MRPS6: variants seen among roughly 807,000 people sequenced by gnomAD.
MRPS6 encodes the protein small ribosomal subunit protein bS6m.
MRPS6 carries 6 observed loss-of-function variants against 13.1 expected under a neutral mutation model. The observed-to-expected ratio is 0.46, with a 90% CI of 0.25 to 0.91. The LOEUF is 0.91. Ranked by LOEUF, MRPS6 falls within the 40% of genes least tolerant of loss-of-function variation. The pLI is 0.18. For missense variants in MRPS6, 164 were observed against 155.6 expected (o/e 1.05, Z -0.29); for synonymous variants, 61 against 56.5 (o/e 1.08, Z -0.36).
chr21:34,113,404 C>G (rs1979782961), intron 1 of MRPS6, among the ~76,000 whole-genome samples: 1 of 152,150 alleles, frequency 6.6e-6, no homozygotes, highest in Non-Finnish European at 1.5e-5. Flanking sequence ...AAAAGGAAAT[C>G]CTGTGCAACA....
chr21:34,097,433 C>G, intron 1 of MRPS6: 1 of 1,504,392 alleles, frequency 6.6e-7, no homozygotes, highest in African/African-American at 1.4e-5. Flanking sequence ...AACTGTGCAT[C>G]TCTCAGGCAT....
chr21:34,105,905 C>T lies in MRPS6; in HGVS notation c.46-19436C>T, dbSNP rs1165403642. 1.1e-5 allele frequency: 11 copies of T among 983,626 alleles called. No homozygotes were observed. In the Admixed American group the frequency reaches 6.2e-4, roughly 55 times the overall value. 60.9% of individuals were successfully genotyped at this position (983,626 alleles called of 1,614,324 possible). On this transcript the variant is annotated intron_variant, in intron 1 of 2. Coordinates refer to ENST00000399312, the MANE Select transcript of MRPS6 (RefSeq NM_032476.4). ...ATTGTTAAAATCATGACAATTCTAA[C>T]TTGTCTATTCTAACCTATTGTGTAC...
chr21:34,073,724 A>ACG lies in MRPS6; in HGVS notation c.24_25insCG (p.Ile9ArgfsTer3). On this transcript the variant is annotated frameshift_variant, in exon 1 of 3. Coordinates refer to ENST00000399312, the MANE Select transcript of MRPS6 (RefSeq NM_032476.4). LOFTEE classifies it high-confidence loss of function. ...GCATGCCCCGCTACGAGCTGGCTTT[A>ACG]ATCCTGAAAGCCATGCAGCGGGTAA... is the stretch of plus-strand genomic sequence containing the variant. The ACG allele has an allele frequency of 6.5e-7, 1 of 1,529,274 alleles. No homozygotes were observed. Among genetic ancestry groups the ACG allele is most frequent in the Non-Finnish European group, 8.8e-7 (1 of 1,132,572 alleles). 94.7% of individuals were successfully genotyped at this position (1,529,274 alleles called of 1,614,324 possible).
intron 1 of MRPS6, chr21:34,103,392 G>C: frequency 1.0e-6 from 1 of 995,788 alleles, no homozygotes; most frequent in Non-Finnish European, 1.2e-6. Flanking sequence ...AAACCAGGTA[G>C]TTCTGTATTT....
chr21:34,103,364 CTTTA>C (rs1979334904), intron 1 of MRPS6: 1 of 996,808 alleles, frequency 1.0e-6, no homozygotes, highest in East Asian at 1.1e-4. Flanking sequence ...TATGTGCAGC[CTTTA>C]TTTAGGTTCA....
chr21:34,094,656 A>G (rs1978882312), intron 1 of MRPS6, among the ~76,000 whole-genome samples: 1 of 152,250 alleles, frequency 6.6e-6, no homozygotes, highest in Admixed American at 6.5e-5. Flanking sequence ...TCCTCAGCTC[A>G]AAATGATAAT....
chr21:34,107,097 A>G (rs1979512440), intron 1 of MRPS6, among the ~76,000 whole-genome samples: 1 of 152,038 alleles, frequency 6.6e-6, no homozygotes, highest in Non-Finnish European at 1.5e-5. Context: ...ACACCTGGCT[A>G]ATTTTTGTAC....
At chr21:34,097,003 A>G (rs762009129) in intron 1 of MRPS6, 2 of 1,614,116 alleles carry the variant, frequency 1.2e-6, no homozygotes, top group South Asian at 1.1e-5. Context: ...CAGCCTGAAG[A>G]TGTTAATCTG....
chr21:34,138,769 G>A (rs1980796186), intron 2 of MRPS6, among the ~76,000 whole-genome samples: 2 of 152,184 alleles, frequency 1.3e-5, no homozygotes, highest in African/African-American at 4.8e-5. Context: ...CATTGTGGAA[G>A]TCAGTGTGGC....
chr21:34,083,861 G>A (rs1989512701), intron 1 of MRPS6, among the ~76,000 whole-genome samples: 1 of 152,114 alleles, frequency 6.6e-6, no homozygotes, highest in African/African-American at 2.4e-5. Context: ...TATTTTATCT[G>A]ATTAGGATGG....
chr21:34,129,364 A>G (rs1256556930), intron 2 of MRPS6, among the ~76,000 whole-genome samples: 1 of 152,164 alleles, frequency 6.6e-6, no homozygotes, highest in East Asian at 1.9e-4. Flanking sequence ...GCTGCTTTGT[A>G]AAAGGATGCC....
rs780017963 is a variant in MRPS6 at position 34,096,480 on chromosome 21, A to G, written c.45+22735A>G. On this transcript the variant is annotated intron_variant, in intron 1 of 2. Coordinates refer to ENST00000399312, the MANE Select transcript of MRPS6 (RefSeq NM_032476.4). This position sits in a 1 kb window ranked among gnomAD's most constrained non-coding sequence, Gnocchi z 5.9. Reference sequence around the variant, plus strand: ...GGTGATCAGCATAGCATGGGTGCCAATCATCGTGGAGATGCAAGGAGGCCA... The same window carrying G: ...GGTGATCAGCATAGCATGGGTGCCAGTCATCGTGGAGATGCAAGGAGGCCA... 5.3e-5 allele frequency: 86 copies of G among 1,614,064 alleles called. No individual in the cohort carries two copies. The highest frequency in any genetic ancestry group is 6.5e-5 in the Non-Finnish European group (77 of 1,180,030).
chr21:34,093,240 T>G (rs1978798303), intron 1 of MRPS6, among the ~76,000 whole-genome samples: 1 of 141,814 alleles, frequency 7.1e-6, no homozygotes, highest in Non-Finnish European at 1.5e-5. Context: ...CTTTTAAGAT[T>G]TTTTTTTTTT....
chr21:34,125,623 C>T (rs1006646726), intron 2 of MRPS6, 143 bp downstream of exon 2: 1 of 1,263,634 alleles, frequency 7.9e-7, no homozygotes, highest in African/African-American at 1.5e-5. Context: ...CTCTGGCAGT[C>T]TTGTGTTGCA....
intron 2 of MRPS6, among the ~76,000 whole-genome samples, chr21:34,129,727 T>C (rs894998096): frequency 4.6e-5 from 7 of 152,176 alleles, no homozygotes; most frequent in African/African-American, 1.7e-4. Flanking sequence ...TCCCGTTAGC[T>C]AACATTTCCA....
At chr21:34,075,430 C>T (rs1989304182) in intron 1 of MRPS6, among the ~76,000 whole-genome samples, 1 of 152,010 alleles carries the variant, frequency 6.6e-6, no homozygotes, top group African/African-American at 2.4e-5. Flanking sequence ...CCTGTAATAA[C>T]ATAGCCTTTG....
chr21:34,098,966 T>A (rs1319315307), intron 1 of MRPS6: 2 of 985,260 alleles, frequency 2.0e-6, no homozygotes, highest in Admixed American at 1.2e-4. Flanking sequence ...TCATAAATAC[T>A]TTTGTAGATT....
intron 2 of MRPS6, among the ~76,000 whole-genome samples, chr21:34,133,923 G>A (rs1980596850): frequency 6.6e-6 from 1 of 152,220 alleles, no homozygotes; most frequent in South Asian, 2.1e-4. Flanking sequence ...TTGATGAATA[G>A]TGAGTGAAAG....
intron 1 of MRPS6, among the ~76,000 whole-genome samples, chr21:34,116,375 T>A (rs533581789): frequency 6.6e-6 from 1 of 151,768 alleles, no homozygotes; most frequent in African/African-American, 2.4e-5. Context: ...GGTGTTTGGT[T>A]ACATTAATAA....
Sources: gnomAD v4.1 joint callset for allele counts (sites outside exome capture counted in the v4.1 genomes callset) on GRCh38, gnomAD v4.1.1 for gene constraint, Gnocchi (gnomAD v3.1) non-coding constraint, MANE v1.5 for transcripts, NCBI Gene and HGNC (gene_info 2026-07-23, HGNC 2026-07-21) for gene names.